Variants in ADGRF5 observed in about 807,000 individuals in gnomAD.
The protein encoded by ADGRF5 is G-protein coupled receptor 116.
Under a neutral mutation model 132.3 loss-of-function variants are expected in ADGRF5, and 75 were observed. That is an observed-to-expected ratio of 0.57 (90% CI 0.47 to 0.69). ADGRF5 has a LOEUF of 0.69. ADGRF5 is among the 30% of genes least tolerant of loss of function. ADGRF5 has a pLI of 0.00. For missense variants in ADGRF5, 1,516 were observed against 1,630.6 expected (o/e 0.93, Z 1.21); for synonymous variants, 629 against 597.6 (o/e 1.05, Z -0.77).
At chr6:46,920,777 C>T (rs775550361) in intron 1 of ADGRF5, among the ~76,000 whole-genome samples, 4 of 151,882 alleles carry the variant, frequency 2.6e-5, no homozygotes, top group East Asian at 3.9e-4. Flanking sequence ...GCAGGAGGAT[C>T]GTTTGAACCC....
At chr6:46,876,074 C>T (rs1455133677) in intron 10 of ADGRF5, among the ~76,000 whole-genome samples, 5 of 152,124 alleles carry the variant, frequency 3.3e-5, no homozygotes, top group Non-Finnish European at 5.9e-5. Flanking sequence ...AATTCTTTTG[C>T]TTGATTGTGT....
At chr6:46,942,371 A>C (rs1026251401) in intron 1 of ADGRF5, among the ~76,000 whole-genome samples, 2 of 152,222 alleles carry the variant, frequency 1.3e-5, no homozygotes, top group African/African-American at 4.8e-5. Context: ...TTATGAATGA[A>C]TCCCTAACGC....
At chr6:46,939,288 T>C (rs1331002726) in intron 1 of ADGRF5, among the ~76,000 whole-genome samples, 1 of 152,156 alleles carries the variant, frequency 6.6e-6, no homozygotes, top group Non-Finnish European at 1.5e-5. Context: ...GAGTGGCCAG[T>C]TTCAGGGTAT....
intron 2 of ADGRF5, chr6:46,905,263 G>C (rs766682859): frequency 2.0e-5 from 3 of 152,162 alleles, no homozygotes; most frequent in South Asian, 4.1e-4. Context: ...AAATAGGAAG[G>C]CTATTGTGTA....
At chr6:46,854,094 A>C (rs1258131067) in intron 20 of ADGRF5, 23 bp from the exon 21 acceptor site, 2 of 1,549,480 alleles carry the variant, frequency 1.3e-6, no homozygotes, top group Admixed American at 1.8e-5. Context: ...GCAGCAACTC[A>C]GCCTTGAAGA....
At chr6:46,893,732 G>T (rs1236080129) in intron 3 of ADGRF5, among the ~76,000 whole-genome samples, 1 of 152,104 alleles carries the variant, frequency 6.6e-6, no homozygotes, top group Non-Finnish European at 1.5e-5. Context: ...TGTTTATCTA[G>T]ATTTTTCTGG....
In ADGRF5 at chr6:46,853,776, T is replaced by A. The variant is rs976130476; in HGVS notation, c.*216A>T. ...ACTTAAATACTATACACATGTGGTA[T>A]CACACAAGGGGGAGGGGGAGGGAAC... On this transcript the variant is annotated 3_prime_UTR_variant, in exon 21 of 21. Transcript: ENST00000283296. 1.2e-5 allele frequency: 5 copies of A among 415,206 alleles called. No individual in the cohort carries two copies. Among genetic ancestry groups the A allele is most frequent in the African/African-American group, 1.1e-4 (5 of 46,950 alleles). The allele number at this position is 415,206 out of a possible 1,614,324, so 25.7% of individuals were successfully genotyped here.
At chr6:46,932,895 A>G (rs2150936803) in intron 1 of ADGRF5, among the ~76,000 whole-genome samples, 1 of 152,334 alleles carries the variant, frequency 6.6e-6, no homozygotes, top group South Asian at 2.1e-4. Context: ...TATGTCATGC[A>G]CAATGACAAT....
chr6:46,884,113 A>G lies in ADGRF5; in HGVS notation c.487T>C (p.Phe163Leu), dbSNP rs1772795750. The change falls in exon 5 of 21, where the codon TTT becomes CTT. Residue 163 changes from phenylalanine to leucine, a missense_variant. Around this residue, in one of 2 missense-constraint regions of ADGRF5, gnomAD observed 945 missense variants for 929.4 expected, o/e 1.02. Coordinates refer to ENST00000283296, the MANE Select transcript of ADGRF5 (RefSeq NM_001098518.2). ...TACTTACCTTCCTGAAGCAGGCAAA[A>G]AGGTCCATTGGGAGGCAGTTCTTTA... ...CLKELPPNGP[F>L]CLLQEDVTLN... is the part of the protein sequence containing the mutation. 1 of 1,613,936 alleles carries G rather than the reference A, an allele frequency of 6.2e-7. No homozygotes were observed. Among genetic ancestry groups the G allele is most frequent in the African/African-American group, 1.3e-5 (1 of 75,038 alleles).
At chr6:46,899,715 G>A (rs1272113525) in intron 3 of ADGRF5, among the ~76,000 whole-genome samples, 2 of 151,726 alleles carry the variant, frequency 1.3e-5, no homozygotes, top group Admixed American at 6.6e-5. Context: ...CTTCTGGATG[G>A]TGGGCAGAGA....
intron 1 of ADGRF5, among the ~76,000 whole-genome samples, chr6:46,913,972 T>C (rs541711500): frequency 3.4e-4 from 52 of 152,316 alleles, no homozygotes; most frequent in Middle Eastern, 3.4e-3. Context: ...CCAAACCTTG[T>C]GTTCTGGGAT....
intron 1 of ADGRF5, among the ~76,000 whole-genome samples, chr6:46,934,538 T>A (rs796852021): frequency 1.1e-4 from 17 of 152,350 alleles, no homozygotes; most frequent in African/African-American, 4.1e-4. Flanking sequence ...CACTCTTCAC[T>A]GTTTTAAATT....
chr6:46,931,039 G>T (rs933811853), intron 1 of ADGRF5, among the ~76,000 whole-genome samples: 1 of 152,022 alleles, frequency 6.6e-6, no homozygotes, highest in Non-Finnish European at 1.5e-5. Flanking sequence ...GGGCAACAGA[G>T]GGAGACGCTG....
intron 2 of ADGRF5, 76 bp from the exon 3 acceptor site, chr6:46,900,159 C>A: frequency 9.3e-7 from 1 of 1,080,026 alleles, no homozygotes; most frequent in Non-Finnish European, 1.4e-6. Flanking sequence ...CTTAGATACC[C>A]CTAAATGTTG....
Position 46,933,679 on chromosome 6 carries a change from T to C in ADGRF5, c.-25+21055A>G, listed in dbSNP as rs16875254. 0.013 allele frequency among the ~76,000 whole-genome samples: 1,941 copies of C among 152,286 alleles called. 73 individuals carry two copies. In the South Asian group the frequency reaches 0.13, roughly 10 times the overall value. On this transcript the variant is annotated intron_variant, in intron 1 of 20. Coordinates refer to the ADGRF5 transcript ENST00000265417. ...ACTGCAATTCAAAATGGTCTAGCAT[T>C]GTACAGATTGTCGTCGGGCCTCAGG...
intron 3 of ADGRF5, among the ~76,000 whole-genome samples, chr6:46,894,633 T>C (rs1773986498): frequency 6.6e-6 from 1 of 152,156 alleles, no homozygotes; most frequent in African/African-American, 2.4e-5. Flanking sequence ...AGCATGGACT[T>C]TGGAGCCAGA....
intron 15 of ADGRF5, among the ~76,000 whole-genome samples, chr6:46,862,186 A>T (rs1163420652): frequency 6.6e-6 from 1 of 152,190 alleles, no homozygotes; most frequent in Non-Finnish European, 1.5e-5. Context: ...CAGTGGTGAG[A>T]GGATTTGGAA....
At chr6:46,913,554 A>T (rs1456429716) in intron 1 of ADGRF5, among the ~76,000 whole-genome samples, 2 of 152,038 alleles carry the variant, frequency 1.3e-5, no homozygotes, top group Non-Finnish European at 2.9e-5. Context: ...AGTGGTGCCA[A>T]GAAGTCCATT....
intron 15 of ADGRF5, 61 bp from the exon 16 acceptor site, chr6:46,860,955 G>T: frequency 3.0e-6 from 4 of 1,350,770 alleles, no homozygotes; most frequent in Non-Finnish European, 4.1e-6. Flanking sequence ...ATCGAATCCA[G>T]CTGATCCATT....
Sources: allele counts gnomAD v4.1 joint callset (sites outside exome capture counted in the v4.1 genomes callset), GRCh38; gene constraint gnomAD v4.1.1; regional missense constraint gnomAD v4.1.1; transcripts MANE v1.5; gene names NCBI Gene and HGNC (gene_info 2026-07-23, HGNC 2026-07-21).